The following FAM149A variants were observed in gnomAD, a reference collection of about 807,000 sequenced individuals.
FAM149A encodes family with sequence similarity 149 member A, also known as protein FAM149A.
Under a neutral mutation model 78.2 loss-of-function variants are expected in FAM149A, and 71 were observed. The observed-to-expected ratio is 0.91, with a 90% CI of 0.75 to 1.11. The LOEUF (loss-of-function observed/expected upper bound fraction) is 1.11. FAM149A is among the 50% of genes least tolerant of loss of function. The pLI is 0.00. For synonymous variants in FAM149A, 446 were observed against 410.5 expected (o/e 1.09, Z -1.04); for missense variants, 1,036 against 971.0 (o/e 1.07, Z -0.89).
At chr4:186,169,006 C>G (rs984919012) in intron 13 of FAM149A, among the ~76,000 whole-genome samples, 1 of 151,996 alleles carries the variant, frequency 6.6e-6, no homozygotes, top group Non-Finnish European at 1.5e-5. Context: ...TGGTGCTGAG[C>G]GAGGGAACTG....
At chr4:186,162,995 G>A in intron 9 of FAM149A, 47 bp downstream of exon 9, 3 of 1,072,796 alleles carry the variant, frequency 2.8e-6, no homozygotes, top group Non-Finnish European at 4.3e-6. Context: ...TCCCTGTGCT[G>A]CAAACACTGG....
rs199797549 is a variant in FAM149A at position 186,118,891 on chromosome 4, CA to C, written c.566+13250del. Among the ~76,000 whole-genome samples, 223 of 152,200 alleles carry C rather than the reference CA, an allele frequency of 1.5e-3. 2 individuals are homozygous for C. The highest frequency in any genetic ancestry group is 5.1e-3 in the African/African-American group (212 of 41,524). ...TGCTTTAATCCAAGCTTGTAAGTTT[CA>C]GTTTTGTTTTGTTTTCTTTTGACAT... is the stretch of plus-strand genomic sequence containing the variant. On this transcript the variant is annotated intron_variant, in intron 1 of 13. Coordinates refer to ENST00000389354, the MANE Select transcript of FAM149A (RefSeq NM_001367768.3).
chr4:186,155,629 A>G (rs1313692251), intron 6 of FAM149A, among the ~76,000 whole-genome samples: 1 of 152,184 alleles, frequency 6.6e-6, no homozygotes, highest in Non-Finnish European at 1.5e-5. Context: ...AGGGAAGCCT[A>G]TGGCAATAAA....
rs1333295317 is a variant in FAM149A, at chr4:186,175,284, TAA to T, written c.*3300_*3301del. Among the ~76,000 whole-genome samples the T allele has an allele frequency of 3.6e-5, 4 of 112,426 alleles. No homozygotes were observed. The East Asian group carries it at 8.9e-4, about 25-fold the overall frequency. The allele number at this position is 112,426 out of a possible 152,430, so 73.8% of individuals were successfully genotyped here. A position where few individuals can be genotyped will look rare whatever the true frequency, so the allele number is the denominator to read the frequency against. On this transcript the variant is annotated 3_prime_UTR_variant, in exon 14 of 14. Coordinates refer to ENST00000389354, the MANE Select transcript of FAM149A (RefSeq NM_001367768.3). ...AATTTCTAATAAAATATAAAAGTGT[TAA>T]AAGAGTTTTCAAAAATGTGTAACAT...
At chr4:186,130,263 A>ATCTCTCTCCCTCTC (rs2099320024) in intron 1 of FAM149A, 1 of 67,112 alleles carries the variant, frequency 1.5e-5, no homozygotes, top group African/African-American at 5.3e-5. Flanking sequence ...ACTTTATGAA[A>ATCTCTCTCCCTCTC]TCTCTCTCTC....
Position 186,167,203 on chromosome 4 carries a change from G to T in FAM149A, c.2159G>T (p.Ser720Ile), listed in dbSNP as rs749125950. ...CAGCAGTCGGATACGCCTCGAAAAA[G>T]TTCATTGACACAAATGGAATTTGCT... The change falls in exon 13 of 14, where the codon AGT (serine) becomes ATT (isoleucine). Residue 720 changes from serine to isoleucine, a missense_variant. By Grantham distance (142) the Ser-to-Ile change is moderately radical. Coordinates refer to ENST00000389354, the MANE Select transcript of FAM149A (RefSeq NM_001367768.3). 1.9e-6 allele frequency: 3 copies of T among 1,610,724 alleles called. No homozygotes were observed. Among genetic ancestry groups the T allele is most frequent in the Admixed American group, 1.7e-5 (1 of 59,966 alleles).
At chr4:186,154,804 A>C (rs35459248) in intron 6 of FAM149A, 166 bp downstream of exon 6, 1 of 984,852 alleles carries the variant, frequency 1.0e-6, no homozygotes, top group East Asian at 1.1e-4. Context: ...ATTCCTAGCC[A>C]GCGGTGCACG....
intron 1 of FAM149A, chr4:186,131,777 C>T (rs1379376085): frequency 2.4e-6 from 1 of 418,062 alleles, no homozygotes; most frequent in Non-Finnish European, 3.2e-6. Context: ...TGCATCTCAT[C>T]CTCGAGGATA....
chr4:186,106,546 C>T (rs1186053028), intron 1 of FAM149A, among the ~76,000 whole-genome samples: 7 of 152,128 alleles, frequency 4.6e-5, no homozygotes, highest in Non-Finnish European at 1.0e-4. Flanking sequence ...AGGCCATTCC[C>T]TACTCCCTCC....
At chr4:186,116,445 C>T in intron 1 of FAM149A, 1 of 983,980 alleles carries the variant, frequency 1.0e-6, no homozygotes. Flanking sequence ...CTATTACAGT[C>T]ATATGACCAT....
rs925330346 is a variant in FAM149A at position 186,173,132 on chromosome 4, A to G, written c.*1145A>G. Among the ~76,000 whole-genome samples the G allele has an allele frequency of 8.9e-6, 1 of 112,962 alleles. No individual in the cohort carries two copies. Among genetic ancestry groups the G allele is most frequent in the African/African-American group, 2.8e-5 (1 of 36,006 alleles). The allele number at this position is 112,962 out of a possible 152,430, so 74.1% of individuals were successfully genotyped here. On this transcript the variant is annotated 3_prime_UTR_variant, in exon 14 of 14. Coordinates refer to ENST00000389354, the MANE Select transcript of FAM149A (RefSeq NM_001367768.3). ...TTATAAACTTAGATTTATAAACTAT[A>G]TACACACATATATGTATCATATAAA... is the stretch of plus-strand genomic sequence containing the variant.
chr4:186,121,720 AGTGTGGT>A (rs988307320), intron 1 of FAM149A, among the ~76,000 whole-genome samples: 38 of 152,182 alleles, frequency 2.5e-4, no homozygotes, highest in Non-Finnish European at 4.1e-4. Flanking sequence ...GAAAACGATG[AGTGTGGT>A]GCTGCCATCC....
intron 8 of FAM149A, among the ~76,000 whole-genome samples, chr4:186,159,941 GACACACACCACACCACTCATAC>G (rs1734391831): frequency 7.2e-6 from 1 of 138,022 alleles, no homozygotes; most frequent in African/African-American, 2.7e-5. Flanking sequence ...ACCACACACA[GACACACACCACACCACTCATAC>G]ACACACCAAA....
At chr4:186,155,934 G>T in intron 6 of FAM149A, 66 bp from the exon 7 acceptor site, 1 of 1,305,874 alleles carries the variant, frequency 7.7e-7, no homozygotes, top group Non-Finnish European at 1.1e-6. Flanking sequence ...GTGAATGTGT[G>T]TAGATAGAAT....
intron 1 of FAM149A, among the ~76,000 whole-genome samples, chr4:186,126,473 G>A (rs563360538): frequency 6.6e-6 from 1 of 152,284 alleles, no homozygotes; most frequent in East Asian, 1.9e-4. Flanking sequence ...CAATGAGAGT[G>A]GGCATCATCT....
chr4:186,150,988 A>G, intron 3 of FAM149A: 1 of 980,972 alleles, frequency 1.0e-6, no homozygotes, highest in Non-Finnish European at 1.2e-6. Flanking sequence ...CCATGGCATG[A>G]GCCACTGCGC....
Position 186,144,684 on chromosome 4 carries a change from G to T in FAM149A, c.567-4489G>T. On this transcript the variant is annotated intron_variant, in intron 1 of 13. Transcript: ENST00000389354. The surrounding 1 kb of genome is among the most constrained non-coding windows in gnomAD (Gnocchi z 4.2). ...GCCGCTGGGTTGGAAACCCGGCCCG[G>T]CAGGGAGCGGGGAAGGCGCGCTTTC... 2.1e-6 allele frequency: 1 copy of T among 485,336 alleles called. No individual in the cohort carries two copies. Among genetic ancestry groups the T allele is most frequent in the Non-Finnish European group, 2.7e-6 (1 of 371,826 alleles). 30.1% of individuals were successfully genotyped at this position (485,336 alleles called of 1,614,324 possible). A position where few individuals can be genotyped will look rare whatever the true frequency, so the allele number is the denominator to read the frequency against.
intron 1 of FAM149A, chr4:186,118,150 T>G (rs1272676405): frequency 3.0e-6 from 3 of 985,306 alleles, no homozygotes; most frequent in Non-Finnish European, 3.6e-6. Context: ...GTACAGGAGT[T>G]GGTGAACACA....
At chr4:186,130,293 C>CTCTCTCTCTCTCTATATG in intron 1 of FAM149A, 1 of 46,592 alleles carries the variant, frequency 2.1e-5, no homozygotes, top group Non-Finnish European at 3.9e-5. Flanking sequence ...CTCTCTCTCT[C>CTCTCTCTCTCTCTATATG]TATATATATA....
Sources: gnomAD v4.1 joint callset for allele counts (sites outside exome capture counted in the v4.1 genomes callset) on GRCh38, gnomAD v4.1.1 for gene constraint, Gnocchi (gnomAD v3.1) non-coding constraint, MANE v1.5 for transcripts, NCBI Gene and HGNC (gene_info 2026-07-23, HGNC 2026-07-21) for gene names.